CTNNA2: variants seen among roughly 807,000 people sequenced by gnomAD.
CTNNA2 encodes catenin alpha-2.
CTNNA2 carries 42 observed loss-of-function variants against 101.0 expected under a neutral mutation model. The ratio of observed to expected loss-of-function variants is 0.42; its 90% CI spans 0.32 to 0.54. CTNNA2 has a LOEUF of 0.54. Ranked by LOEUF, CTNNA2 falls within the 20% of genes least tolerant of loss-of-function variation. The pLI is 0.14. For missense variants in CTNNA2, 871 were observed against 1,223.1 expected, an observed-to-expected ratio of 0.71 and a Z score of 4.29; for synonymous variants, 450 against 456.4, an observed-to-expected ratio of 0.99 and a Z score of 0.18.
chr2:80,493,342 C>T (rs956097073), intron 9 of CTNNA2, among the ~76,000 whole-genome samples: 6 of 152,174 alleles, frequency 3.9e-5, no homozygotes, highest in South Asian at 2.1e-4. Flanking sequence ...CGGTGATCAG[C>T]GTCTCTGGTT....
At chr2:79,676,991 T>G (rs1284282394) in intron 2 of CTNNA2, among the ~76,000 whole-genome samples, 1 of 152,084 alleles carries the variant, frequency 6.6e-6, no homozygotes, top group Non-Finnish European at 1.5e-5. Flanking sequence ...AGGTCTGAGT[T>G]TGCACTTGGC....
At chr2:79,218,337 G>A (rs1477625186) in intron 2 of CTNNA2, among the ~76,000 whole-genome samples, 6 of 77,080 alleles carry the variant, frequency 7.8e-5, no homozygotes, top group African/African-American at 2.4e-4. Context: ...GTGTGTGTGT[G>A]TGTGTGTGTG....
intron 7 of CTNNA2, among the ~76,000 whole-genome samples, chr2:80,182,179 C>A (rs1705827792): frequency 6.6e-6 from 1 of 152,162 alleles, no homozygotes; most frequent in Admixed American, 6.5e-5. Flanking sequence ...ACAGTGCAGC[C>A]CTTAGTCTGT....
At chr2:79,724,189 A>G (rs1686666668) in intron 2 of CTNNA2, among the ~76,000 whole-genome samples, 1 of 150,982 alleles carries the variant, frequency 6.6e-6, no homozygotes, top group Non-Finnish European at 1.5e-5. Context: ...GGTTTCCTTC[A>G]GGTTTTTTTC....
intron 3 of CTNNA2, among the ~76,000 whole-genome samples, chr2:79,790,092 G>T (rs557022420): frequency 2.7e-3 from 407 of 152,322 alleles, no homozygotes; most frequent in South Asian, 0.017. Flanking sequence ...ATCACAAATA[G>T]TGATGATGTA....
chr2:79,431,165 C>T (rs1678655844), intron 4 of CTNNA2, among the ~76,000 whole-genome samples: 1 of 152,108 alleles, frequency 6.6e-6, no homozygotes, highest in African/African-American at 2.4e-5. Context: ...TATACACTCC[C>T]TCCTGGTCAG....
chr2:80,199,502 C>T (rs1299379769), intron 7 of CTNNA2, among the ~76,000 whole-genome samples: 1 of 152,102 alleles, frequency 6.6e-6, no homozygotes, highest in Non-Finnish European at 1.5e-5. Context: ...AGGGTAGTAA[C>T]CTGTTAATAA....
At chr2:79,302,798 A>C (rs929709806) in intron 2 of CTNNA2, among the ~76,000 whole-genome samples, 1 of 152,196 alleles carries the variant, frequency 6.6e-6, no homozygotes, top group Non-Finnish European at 1.5e-5. Flanking sequence ...CAACAACCAT[A>C]ATAATAAAAT....
chr2:79,817,408 T>A (rs1677607970), intron 3 of CTNNA2, among the ~76,000 whole-genome samples: 1 of 150,048 alleles, frequency 6.7e-6, no homozygotes, highest in Admixed American at 6.7e-5. Flanking sequence ...TGTCAGTGGT[T>A]CTGCCTTGCC....
intron 3 of CTNNA2, among the ~76,000 whole-genome samples, chr2:79,357,431 C>T (rs776852883): frequency 2.0e-5 from 3 of 151,788 alleles, no homozygotes; most frequent in African/African-American, 4.8e-5. Flanking sequence ...ATTCTTGGAC[C>T]GAATCACAGA....
intron 7 of CTNNA2, among the ~76,000 whole-genome samples, chr2:80,350,464 G>C (rs570111892): frequency 3.3e-5 from 5 of 152,254 alleles, no homozygotes; most frequent in Non-Finnish European, 7.4e-5. Flanking sequence ...CAGTGTTAAA[G>C]ATCAAGTGCA....
At chr2:79,977,443 G>GC (rs1690950094) in intron 7 of CTNNA2, among the ~76,000 whole-genome samples, 1 of 152,080 alleles carries the variant, frequency 6.6e-6, no homozygotes, top group Non-Finnish European at 1.5e-5. Flanking sequence ...GTACAGGACA[G>GC]CCCCCACCAC....
chr2:80,371,232 C>G (rs1309313243), intron 7 of CTNNA2, among the ~76,000 whole-genome samples: 5 of 152,164 alleles, frequency 3.3e-5, no homozygotes, highest in African/African-American at 1.2e-4. Flanking sequence ...ATGTCCTGAA[C>G]TCCATCATTA....
chr2:80,242,073 C>T (rs936809728), intron 7 of CTNNA2, among the ~76,000 whole-genome samples: 2 of 152,056 alleles, frequency 1.3e-5, no homozygotes, highest in Admixed American at 6.5e-5. Flanking sequence ...ACAAAATCAC[C>T]GTGAAACTTC....
At chr2:79,268,761 CAT>C (rs1377084464) in intron 2 of CTNNA2, among the ~76,000 whole-genome samples, 2 of 152,104 alleles carry the variant, frequency 1.3e-5, no homozygotes, top group Non-Finnish European at 2.9e-5. Context: ...AAAACCCACA[CAT>C]GTGTACAGAA....
chr2:80,565,259 C>G lies in CTNNA2; in HGVS notation c.1742-8904C>G, dbSNP rs572415857. ...ATCTGGGGAGGTCATAATGGAACACCATGTTTAACATTGGCCTTCTTGGCA... is the reference window on the plus strand; with the variant it reads ...ATCTGGGGAGGTCATAATGGAACACGATGTTTAACATTGGCCTTCTTGGCA... On this transcript the variant is annotated intron_variant, in intron 12 of 18. Coordinates refer to ENST00000402739, the MANE Select transcript of CTNNA2 (RefSeq NM_001282597.3). Among the ~76,000 whole-genome samples, 213 of 152,126 alleles carry G rather than the reference C, an allele frequency of 1.4e-3. 1 individual carries two copies. Among genetic ancestry groups the G allele is most frequent in the African/African-American group, 4.8e-3 (201 of 41,504 alleles).
intron 3 of CTNNA2, among the ~76,000 whole-genome samples, chr2:79,834,910 G>A (rs184073115): frequency 6.6e-6 from 1 of 151,674 alleles, no homozygotes; most frequent in African/African-American, 2.4e-5. Flanking sequence ...CCTATTCTTA[G>A]TCAATATTTA....
intron 9 of CTNNA2, among the ~76,000 whole-genome samples, chr2:80,440,108 G>T (rs1385650122): frequency 1.3e-5 from 2 of 152,190 alleles, no homozygotes; most frequent in Non-Finnish European, 2.9e-5. Context: ...TTTAAGTAGG[G>T]TGGTCAGAAG....
At chr2:80,150,670 T>G (rs1168993447) in intron 7 of CTNNA2, among the ~76,000 whole-genome samples, 1 of 152,200 alleles carries the variant, frequency 6.6e-6, no homozygotes, top group Non-Finnish European at 1.5e-5. Flanking sequence ...ACAGTATGAT[T>G]ATTGTATTTA....
Sources: allele counts gnomAD v4.1 joint callset (sites outside exome capture counted in the v4.1 genomes callset), GRCh38; gene constraint gnomAD v4.1.1; transcripts MANE v1.5; gene names NCBI Gene and HGNC (gene_info 2026-07-23, HGNC 2026-07-21).